The following OXGR1 variants were observed in gnomAD, a reference collection of about 807,000 sequenced individuals.
OXGR1 encodes the protein oxoglutarate receptor 1, also known as 2-oxoglutarate receptor 1.
A neutral mutation model predicts 10.0 loss-of-function variants in OXGR1; 10 were observed. That is an observed-to-expected ratio of 1.00 (90% CI 0.62 to 1.70). OXGR1 has a LOEUF of 1.70. OXGR1 is among the 40% of genes most tolerant of loss of function. The probability of loss-of-function intolerance (pLI) is 0.00; values close to 1 mark genes in which losing one functional copy is unlikely to be tolerated. For synonymous variants in OXGR1, 191 were observed against 155.9 expected, an observed-to-expected ratio of 1.22 and a Z score of -1.68; for missense variants, 398 against 407.6, an observed-to-expected ratio of 0.98 and a Z score of 0.20.
At chr13:96,993,257 C>T (rs756840825) in intron 1 of OXGR1, among the ~76,000 whole-genome samples, 3 of 152,114 alleles carry the variant, frequency 2.0e-5, no homozygotes, top group Non-Finnish European at 2.9e-5. Flanking sequence ...CTTGCTCTGT[C>T]GCCCAGACTG....
chr13:96,994,149 C>A (rs1882198524), intron 1 of OXGR1, 149 bp downstream of exon 1: 1 of 152,410 alleles, frequency 6.6e-6, no homozygotes, highest in Non-Finnish European at 1.5e-5. Context: ...GGCGCTGCTC[C>A]GTCCGACCCT....
intron 2 of OXGR1, among the ~76,000 whole-genome samples, chr13:96,990,946 CAAA>C (rs765856782): frequency 1.0e-5 from 1 of 97,206 alleles, no homozygotes; most frequent in African/African-American, 4.8e-5. Flanking sequence ...AAGACTCTTT[CAAA>C]AAAAAAAAAA....
Position 96,987,788 on chromosome 13 carries a change from CAA to C in OXGR1, c.-31_-30del, listed in dbSNP as rs750048496. The C allele has an allele frequency of 6.5e-7, 1 of 1,530,638 alleles. No homozygotes were observed. Among genetic ancestry groups the C allele is most frequent in the Non-Finnish European group, 8.8e-7 (1 of 1,140,874 alleles). 94.8% of individuals were successfully genotyped at this position (1,530,638 alleles called of 1,614,324 possible). ...TGTCTCCTTTCATCTTGCAAGAAAA[CAA>C]GAGAGTTCAGTTTGGCAATATGAAT... is the stretch of plus-strand genomic sequence containing the variant. On this transcript the variant is annotated 5_prime_UTR_variant, in exon 4 of 4. Transcript: ENST00000541038.
intron 1 of OXGR1, among the ~76,000 whole-genome samples, chr13:96,994,041 C>A (rs1882193294): frequency 6.6e-6 from 1 of 152,186 alleles, no homozygotes; most frequent in Admixed American, 6.5e-5. Flanking sequence ...CTCTCCAAGT[C>A]AAATGTCTTC....
Position 96,987,433 on chromosome 13 carries a change from G to A in OXGR1, c.327C>T (p.Ile109=), listed in dbSNP as rs368692259. ...WIFGDFMCKF[I]RFSFHFNLYS... ...ACAGGTTGAAATGGAAGCTGAAGCG[G>A]ATAAACTTACACATGAAATCTCCAA... Residue 109 remains isoleucine (I), a synonymous_variant, in exon 4 of 4, where the codon ATC becomes ATT. Coordinates refer to ENST00000541038, the MANE Select transcript of OXGR1 (RefSeq NM_001346194.2). The A allele has an allele frequency of 1.3e-4, 212 of 1,614,096 alleles. No homozygotes were observed. Among genetic ancestry groups the A allele is most frequent in the Non-Finnish European group, 1.6e-4 (194 of 1,180,052 alleles).
intron 1 of OXGR1, among the ~76,000 whole-genome samples, chr13:96,992,818 T>C (rs1243807489): frequency 6.6e-6 from 1 of 152,202 alleles, no homozygotes; most frequent in Non-Finnish European, 1.5e-5. Flanking sequence ...CCTGGGTTTT[T>C]CTGGTTCTGC....
At chr13:96,993,362 G>A (rs1882155509) in intron 1 of OXGR1, among the ~76,000 whole-genome samples, 1 of 152,048 alleles carries the variant, frequency 6.6e-6, no homozygotes, top group Non-Finnish European at 1.5e-5. Flanking sequence ...GGGATTACAG[G>A]CCCGTTCCAC....
intron 2 of OXGR1, among the ~76,000 whole-genome samples, 179 bp from the exon 3 acceptor site, chr13:96,989,988 T>C (rs1160244977): frequency 2.0e-5 from 3 of 152,180 alleles, no homozygotes; most frequent in Admixed American, 2.0e-4. Flanking sequence ...TAAAATGGTA[T>C]GGTATTTACA....
At position 96,990,946 on chromosome 13, in the gene OXGR1, C is replaced by CAAAAAAAAAAAAAAAAAAAAAAAAAA. The variant is rs765856782; in HGVS notation, c.-126-1138_-126-1137insTTTTTTTTTTTTTTTTTTTTTTTTTT. ...CCTGAGTGACACAGCAAGACTCTTTCAAAAAAAAAAAAAAAAGCAAGCTTA... is the reference window on the plus strand; with the variant it reads ...CCTGAGTGACACAGCAAGACTCTTTCAAAAAAAAAAAAAAAAAAAAAAAAAAAAAAAAAAAAAAAAAAGCAAGCTTA... On this transcript the variant is annotated intron_variant, in intron 2 of 3. Coordinates refer to ENST00000541038, the MANE Select transcript of OXGR1 (RefSeq NM_001346194.2). Among the ~76,000 whole-genome samples, 23 of 97,172 alleles carry CAAAAAAAAAAAAAAAAAAAAAAAAAA rather than the reference C, an allele frequency of 2.4e-4. 1 individual carries two copies. The highest frequency in any genetic ancestry group is 1.1e-3 in the African/African-American group (23 of 21,060). 63.7% of individuals were successfully genotyped at this position (97,172 alleles called of 152,430 possible).
At chr13:96,987,997 G>A (rs775087554) in intron 3 of OXGR1, among the ~76,000 whole-genome samples, 164 bp from the exon 4 acceptor site, 8 of 152,090 alleles carry the variant, frequency 5.3e-5, no homozygotes, top group Non-Finnish European at 1.0e-4. Flanking sequence ...TGACTATGAG[G>A]CAAGTTACTA....
At chr13:96,992,784 C>A (rs1882122612) in intron 1 of OXGR1, among the ~76,000 whole-genome samples, 1 of 152,176 alleles carries the variant, frequency 6.6e-6, no homozygotes, top group Non-Finnish European at 1.5e-5. Context: ...CCTCTCCCTG[C>A]TCTCCTCCCT....
intron 3 of OXGR1, among the ~76,000 whole-genome samples, chr13:96,988,218 A>C (rs1043404340): frequency 1.3e-5 from 2 of 152,144 alleles, no homozygotes; most frequent in African/African-American, 4.8e-5. Context: ...CATGTCACAA[A>C]ATACTGAAAA....
intron 3 of OXGR1, among the ~76,000 whole-genome samples, chr13:96,988,707 C>T (rs1881910412): frequency 6.6e-6 from 1 of 152,098 alleles, no homozygotes; most frequent in African/African-American, 2.4e-5. Context: ...GTAGCGTGTT[C>T]CTAAGCAAGT....
At chr13:96,988,496 G>A (rs943098117) in intron 3 of OXGR1, among the ~76,000 whole-genome samples, 1 of 152,220 alleles carries the variant, frequency 6.6e-6, no homozygotes, top group Non-Finnish European at 1.5e-5. Context: ...TAGATTGCAC[G>A]TATTGCAACA....
upstream of OXGR1, chr13:96,994,573 G>A (rs1191283974): frequency 6.6e-6 from 1 of 152,328 alleles, no homozygotes; most frequent in Non-Finnish European, 1.5e-5. Flanking sequence ...ACTGACCCAG[G>A]AGAAAGTGTT....
chr13:96,987,473 C>A lies in OXGR1; in HGVS notation c.287G>T (p.Gly96Val). 6.2e-7 allele frequency: 1 copy of A among 1,614,164 alleles called. No individual in the cohort carries two copies. Among genetic ancestry groups the A allele is most frequent in the Non-Finnish European group, 8.5e-7 (1 of 1,180,020 alleles). Residue 96 changes from glycine to valine, a missense_variant, in exon 4 of 4, where the codon GGC becomes GTC. By Grantham distance (109) the Gly-to-Val change is moderately radical (BLOSUM62 -3). Transcript: ENST00000541038. ...LPFLIHYYASGENWIFGDFMC... is the reference protein window; with the variant it reads ...LPFLIHYYASVENWIFGDFMC... ...GAAATCTCCAAAGATCCAGTTTTCG[C>A]CACTGGCATAGTAGTGAATCAGGAA...
chr13:96,993,035 T>C (rs1882135107), intron 1 of OXGR1, among the ~76,000 whole-genome samples: 1 of 152,196 alleles, frequency 6.6e-6, no homozygotes, highest in East Asian at 1.9e-4. Context: ...AGTCTACATA[T>C]TTGAAAACTA....
chr13:96,987,208 G>T lies in OXGR1; in HGVS notation c.552C>A (p.Leu184=). Residue 184 remains leucine (L), a synonymous_variant, in exon 4 of 4, where the codon CTC becomes CTA. Transcript: ENST00000541038. ...STNRTNRSAC[L]DLTSSDELNT... is the part of the protein sequence containing the mutation. ...TGAGTTCATCCGAACTGGTGAGGTC[G>T]AGACAGGCTGATCTGTTGGTCCTGT... 6.2e-7 allele frequency: 1 copy of T among 1,614,172 alleles called. No individual in the cohort carries two copies. Among genetic ancestry groups the T allele is most frequent in the Non-Finnish European group, 8.5e-7 (1 of 1,180,034 alleles).
Position 96,987,393 on chromosome 13 carries a change from A to G in OXGR1, c.367T>C (p.Phe123Leu), listed in dbSNP as rs749221787. The G allele has an allele frequency of 6.2e-7, 1 of 1,614,046 alleles. No individual in the cohort carries two copies. Among genetic ancestry groups the G allele is most frequent in the East Asian group, 2.2e-5 (1 of 44,892 alleles). Reference protein sequence around the residue: ...FHFNLYSSILFLTCFSIFRYC... With the variant: ...FHFNLYSSILLLTCFSIFRYC... ...CGGAAGATGCTGAAACAGGTGAGGA[A>G]GAGGATGCTGCTATACAGGTTGAAA... is the stretch of plus-strand genomic sequence containing the variant. The change falls in exon 4 of 4, where the codon TTC becomes CTC. Residue 123 changes from phenylalanine to leucine, a missense_variant. Physicochemically the swap from Phe to Leu is conservative, Grantham distance 22 (BLOSUM62 0). Coordinates refer to ENST00000541038, the MANE Select transcript of OXGR1 (RefSeq NM_001346194.2).
Sources: allele counts gnomAD v4.1 joint callset (sites outside exome capture counted in the v4.1 genomes callset), GRCh38; gene constraint gnomAD v4.1.1; transcripts MANE v1.5; gene names NCBI Gene and HGNC (gene_info 2026-07-23, HGNC 2026-07-21).